Variants in TUNAR observed in about 807,000 individuals in gnomAD.
TUNAR encodes protein TUNAR.
chr14:95,913,252 CCATCAT>C (rs1400868216), intron 2 of TUNAR, among the ~76,000 whole-genome samples: 1 of 151,278 alleles, frequency 6.6e-6, no homozygotes, highest in African/African-American at 2.4e-5. Flanking sequence ...ACCCATCAAC[CCATCAT>C]CATCTAGGTT....
chr14:95,884,322 C>T (rs1394900061), intron 2 of TUNAR, among the ~76,000 whole-genome samples: 1 of 152,118 alleles, frequency 6.6e-6, no homozygotes, highest in Non-Finnish European at 1.5e-5. Context: ...CCCTTGCTTC[C>T]CTCTTCATGT....
intron 2 of TUNAR, among the ~76,000 whole-genome samples, chr14:95,904,929 C>A (rs1040600477): frequency 6.6e-6 from 1 of 152,186 alleles, no homozygotes; most frequent in Non-Finnish European, 1.5e-5. Flanking sequence ...TGTCCCAGAG[C>A]CTGTCACCAA....
intron 2 of TUNAR, among the ~76,000 whole-genome samples, chr14:95,900,274 C>T (rs567947176): frequency 5.3e-5 from 8 of 152,260 alleles, no homozygotes; most frequent in South Asian, 4.2e-4. Context: ...CACTGTGAGG[C>T]GAAGGGAAGG....
At chr14:95,898,351 CT>C (rs1889296571) in intron 2 of TUNAR, among the ~76,000 whole-genome samples, 1 of 152,202 alleles carries the variant, frequency 6.6e-6, no homozygotes, top group African/African-American at 2.4e-5. Context: ...TGAGGATAGT[CT>C]CCAGGGTGGG....
At chr14:95,913,039 C>T (rs1251412097) in intron 2 of TUNAR, among the ~76,000 whole-genome samples, 1 of 152,152 alleles carries the variant, frequency 6.6e-6, no homozygotes, top group Non-Finnish European at 1.5e-5. Context: ...GATCCGCCCG[C>T]CTCGGCCTCC....
exon 3 of TUNAR, chr14:95,925,225 G>A (rs1889768339): frequency 6.6e-6 from 1 of 152,264 alleles, no homozygotes; most frequent in South Asian, 2.1e-4. Flanking sequence ...ATGTCCCTGA[G>A]ATCACATGGC....
At chr14:95,906,489 C>G (rs902929969) in intron 2 of TUNAR, among the ~76,000 whole-genome samples, 4 of 152,206 alleles carry the variant, frequency 2.6e-5, no homozygotes, top group African/African-American at 9.7e-5. Context: ...CTAGTATACA[C>G]TAAAGTAGTT....
At chr14:95,903,770 G>A (rs993106887) in intron 2 of TUNAR, among the ~76,000 whole-genome samples, 15 of 152,236 alleles carry the variant, frequency 9.9e-5, no homozygotes, top group Admixed American at 6.5e-4. Flanking sequence ...GGTACTGGGG[G>A]CAGATGGTGG....
intron 2 of TUNAR, among the ~76,000 whole-genome samples, chr14:95,903,635 G>A (rs994136346): frequency 7.9e-5 from 12 of 152,174 alleles, no homozygotes; most frequent in Admixed American, 6.5e-4. Flanking sequence ...CAGTGTTCCC[G>A]TTACCTATTG....
intron 2 of TUNAR, among the ~76,000 whole-genome samples, chr14:95,902,141 C>A (rs1889365029): frequency 6.6e-6 from 1 of 152,064 alleles, no homozygotes; most frequent in Non-Finnish European, 1.5e-5. Flanking sequence ...GATAGCTAGG[C>A]AGCAGTAGTA....
At chr14:95,917,958 A>T (rs1889632922) in intron 2 of TUNAR, among the ~76,000 whole-genome samples, 1 of 152,088 alleles carries the variant, frequency 6.6e-6, no homozygotes, top group African/African-American at 2.4e-5. Context: ...TTATCAGCCA[A>T]TCCCCACTTC....
chr14:95,879,050 G>A (rs779521795), intron 2 of TUNAR, among the ~76,000 whole-genome samples: 8 of 152,234 alleles, frequency 5.3e-5, no homozygotes, highest in Middle Eastern at 3.4e-3. Context: ...GCGTGGAGCC[G>A]GCCTTAGCTT....
chr14:95,903,824 G>A (rs567612705), intron 2 of TUNAR, among the ~76,000 whole-genome samples: 3 of 152,320 alleles, frequency 2.0e-5, no homozygotes, highest in South Asian at 2.1e-4. Flanking sequence ...TGGGCTGGCC[G>A]GCACAGCCAG....
At chr14:95,921,364 G>A (rs994603883) in intron 2 of TUNAR, among the ~76,000 whole-genome samples, 6 of 152,106 alleles carry the variant, frequency 3.9e-5, no homozygotes, top group Admixed American at 3.9e-4. Context: ...TGTAGCTATG[G>A]GGCTGGCCTG....
intron 2 of TUNAR, among the ~76,000 whole-genome samples, chr14:95,897,388 C>T (rs1012376121): frequency 6.6e-6 from 1 of 152,142 alleles, no homozygotes; most frequent in African/African-American, 2.4e-5. Flanking sequence ...TCTCCAGCAC[C>T]CTTGCACAGT....
chr14:95,914,416 C>T (rs938400945), intron 2 of TUNAR, among the ~76,000 whole-genome samples: 1 of 152,176 alleles, frequency 6.6e-6, no homozygotes, highest in Non-Finnish European at 1.5e-5. Context: ...ACTGTGGTGA[C>T]CCCAAAGTGA....
chr14:95,904,808 G>A (rs372973182), intron 2 of TUNAR, among the ~76,000 whole-genome samples: 6 of 152,328 alleles, frequency 3.9e-5, no homozygotes, highest in South Asian at 4.1e-4. Context: ...TGGGTACCCC[G>A]CAGTGCCTGA....
chr14:95,907,358 G>T (rs1889443113), intron 2 of TUNAR, among the ~76,000 whole-genome samples: 1 of 152,216 alleles, frequency 6.6e-6, no homozygotes, highest in African/African-American at 2.4e-5. Context: ...ATGTGGTTTT[G>T]TTAAGTGTTG....
At chr14:95,882,911 A>C (rs895450851) in intron 2 of TUNAR, among the ~76,000 whole-genome samples, 1 of 152,248 alleles carries the variant, frequency 6.6e-6, no homozygotes, top group Admixed American at 6.5e-5. Context: ...AATAAAGTGA[A>C]TGCCCCTGAG....
Sources: allele counts gnomAD v4.1 joint callset (sites outside exome capture counted in the v4.1 genomes callset), GRCh38; gene constraint gnomAD v4.1.1; transcripts MANE v1.5; gene names NCBI Gene and HGNC (gene_info 2026-07-23, HGNC 2026-07-21).